The following GRM3 variants were observed in gnomAD, a reference collection of about 807,000 sequenced individuals.
The protein encoded by GRM3 is glutamate metabotropic receptor 3.
GRM3 carries 26 observed loss-of-function variants against 70.5 expected under a neutral mutation model. The ratio of observed to expected loss-of-function variants is 0.37; its 90% CI spans 0.27 to 0.51. The LOEUF (loss-of-function observed/expected upper bound fraction) is 0.51, where lower values mean the gene tolerates loss of function less well. GRM3 is among the 20% of genes least tolerant of loss of function. GRM3 has a pLI of 0.93. For synonymous variants in GRM3, 443 were observed against 434.9 expected, an observed-to-expected ratio of 1.02 and a Z score of -0.23; for missense variants, 859 against 1,123.8, an observed-to-expected ratio of 0.76 and a Z score of 3.37.
At chr7:86,802,352 C>T (rs1157908779) in intron 3 of GRM3, among the ~76,000 whole-genome samples, 1 of 152,082 alleles carries the variant, frequency 6.6e-6, no homozygotes, top group East Asian at 1.9e-4. Context: ...TGTCATTTGG[C>T]TCAGCTTACC....
chr7:86,862,245 T>C (rs1386840351), intron 5 of GRM3, among the ~76,000 whole-genome samples: 2 of 152,158 alleles, frequency 1.3e-5, no homozygotes, highest in African/African-American at 4.8e-5. Context: ...AAAAAGCACA[T>C]ATTGAATGAC....
chr7:86,795,026 T>A (rs1797514898), intron 3 of GRM3, among the ~76,000 whole-genome samples: 1 of 152,006 alleles, frequency 6.6e-6, no homozygotes, highest in Non-Finnish European at 1.5e-5. Context: ...AGATTGCCAT[T>A]AATATTAACC....
chr7:86,857,131 G>GTTTTT (rs57272959), intron 5 of GRM3, among the ~76,000 whole-genome samples: 49 of 142,662 alleles, frequency 3.4e-4, no homozygotes, highest in African/African-American at 1.2e-3. Flanking sequence ...AAATTCAATG[G>GTTTTT]TTTTTTTTTT....
Position 86,807,116 on chromosome 7 carries a change from G to C in GRM3, c.1324+20000G>C, listed in dbSNP as rs1305168093. Among the ~76,000 whole-genome samples the C allele has an allele frequency of 6.1e-5, 4 of 66,098 alleles. 2 individuals are homozygous for C. The highest frequency in any genetic ancestry group is 2.4e-4 in the Admixed American group (2 of 8,388). The allele number at this position is 66,098 out of a possible 152,430, so 43.4% of individuals were successfully genotyped here. A position where few individuals can be genotyped will look rare whatever the true frequency, so the allele number is the denominator to read the frequency against. On this transcript the variant is annotated intron_variant, in intron 3 of 5. Coordinates refer to ENST00000361669, the MANE Select transcript of GRM3 (RefSeq NM_000840.3). ...TTCCATTGGTCTATGTCTCTGTTTT[G>C]GTACCAGTATCATGCTGTTTTGGTT...
chr7:86,787,638 G>T (rs542437746), intron 3 of GRM3, among the ~76,000 whole-genome samples: 5 of 152,258 alleles, frequency 3.3e-5, no homozygotes, highest in Non-Finnish European at 4.4e-5. Flanking sequence ...AGACCCTAGT[G>T]ATTTCTAGGC....
chr7:86,804,503 G>A (rs1303225082), intron 3 of GRM3, among the ~76,000 whole-genome samples: 2 of 152,118 alleles, frequency 1.3e-5, no homozygotes, highest in East Asian at 1.9e-4. Context: ...TCCACCTCCC[G>A]GGTTCAAGCA....
chr7:86,846,431 G>GTC (rs368001301), intron 4 of GRM3, among the ~76,000 whole-genome samples: 8 of 151,790 alleles, frequency 5.3e-5, no homozygotes, highest in Admixed American at 1.3e-4. Flanking sequence ...TTCTCTGAAA[G>GTC]TCTCTCTCTC....
intron 5 of GRM3, among the ~76,000 whole-genome samples, chr7:86,856,427 C>A (rs1479969682): frequency 7.5e-6 from 1 of 133,070 alleles, no homozygotes; most frequent in Non-Finnish European, 1.5e-5. Context: ...GCCTGGGAGA[C>A]AGAGCAAGAC....
At chr7:86,648,616 C>G (rs1425792308) in intron 1 of GRM3, among the ~76,000 whole-genome samples, 1 of 152,048 alleles carries the variant, frequency 6.6e-6, no homozygotes, top group Non-Finnish European at 1.5e-5. Context: ...AAATTATTCA[C>G]CGTGCTGCAT....
intron 3 of GRM3, among the ~76,000 whole-genome samples, chr7:86,794,054 GA>G (rs561924269): frequency 5.3e-5 from 8 of 151,832 alleles, no homozygotes; most frequent in South Asian, 2.1e-4. Context: ...CTGGAGATTG[GA>G]AAAAAATATT....
chr7:86,726,847 G>A (rs146385288), intron 1 of GRM3, among the ~76,000 whole-genome samples: 7 of 152,232 alleles, frequency 4.6e-5, no homozygotes, highest in South Asian at 2.1e-4. Flanking sequence ...GTCAATCTCC[G>A]TCATTCAAGA....
intron 1 of GRM3, among the ~76,000 whole-genome samples, chr7:86,683,279 C>G (rs1329291969): frequency 2.0e-5 from 3 of 152,138 alleles, no homozygotes; most frequent in South Asian, 4.1e-4. Context: ...TGGTCCTGCT[C>G]TTAACATTCA....
At chr7:86,843,623 T>C (rs1452969602) in intron 4 of GRM3, among the ~76,000 whole-genome samples, 1 of 152,198 alleles carries the variant, frequency 6.6e-6, no homozygotes, top group Admixed American at 6.6e-5. Context: ...TGGAAAGTTA[T>C]CCATAAAGGA....
At chr7:86,668,962 G>T (rs191765282) in intron 1 of GRM3, among the ~76,000 whole-genome samples, 12 of 152,228 alleles carry the variant, frequency 7.9e-5, no homozygotes, top group African/African-American at 2.9e-4. Flanking sequence ...TGGGTGAAAA[G>T]CCTGGATTAA....
chr7:86,700,265 T>C (rs1794919112), intron 1 of GRM3, among the ~76,000 whole-genome samples: 1 of 151,986 alleles, frequency 6.6e-6, no homozygotes, highest in Non-Finnish European at 1.5e-5. Flanking sequence ...CAATTCATAA[T>C]CAAAAAATAA....
At chr7:86,820,559 C>T (rs921080620) in intron 3 of GRM3, among the ~76,000 whole-genome samples, 1 of 152,098 alleles carries the variant, frequency 6.6e-6, no homozygotes, top group African/African-American at 2.4e-5. Flanking sequence ...CCCAAAGGTA[C>T]TGGGTCCCTT....
chr7:86,811,893 T>A (rs942345999), intron 3 of GRM3, among the ~76,000 whole-genome samples: 1 of 151,688 alleles, frequency 6.6e-6, no homozygotes, highest in Non-Finnish European at 1.5e-5. Flanking sequence ...GCTAGTGTGA[T>A]ATTTCTATCC....
At chr7:86,714,226 A>G (rs1369195566) in intron 1 of GRM3, among the ~76,000 whole-genome samples, 3 of 151,934 alleles carry the variant, frequency 2.0e-5, no homozygotes, top group Non-Finnish European at 4.4e-5. Context: ...ATTTAATCCC[A>G]TTTTGGCTCT....
intron 1 of GRM3, among the ~76,000 whole-genome samples, chr7:86,705,392 G>C (rs1795033599): frequency 6.6e-6 from 1 of 151,996 alleles, no homozygotes; most frequent in Non-Finnish European, 1.5e-5. Flanking sequence ...GGAGAACTGA[G>C]AGAGTCATCT....
Sources: gnomAD v4.1 joint callset for allele counts (sites outside exome capture counted in the v4.1 genomes callset) on GRCh38, gnomAD v4.1.1 for gene constraint, MANE v1.5 for transcripts, NCBI Gene and HGNC (gene_info 2026-07-23, HGNC 2026-07-21) for gene names.